Variants in GLT1D1 observed in about 807,000 individuals in gnomAD.
GLT1D1 encodes the protein glycosyltransferase 1 domain-containing protein 1.
Under a neutral mutation model 28.7 loss-of-function variants are expected in GLT1D1, and 21 were observed. The observed-to-expected ratio is 0.73, with a 90% CI of 0.52 to 1.05. The LOEUF (loss-of-function observed/expected upper bound fraction) is 1.05. Ranked by LOEUF, GLT1D1 falls within the 50% of genes least tolerant of loss-of-function variation. The probability of loss-of-function intolerance (pLI) is 0.00; values close to 1 mark genes in which losing one functional copy is unlikely to be tolerated. For synonymous variants in GLT1D1, 147 were observed against 124.8 expected (o/e 1.18, Z -1.19); for missense variants, 343 against 330.6 (o/e 1.04, Z -0.29).
chr12:128,853,494 C>G lies in GLT1D1; in HGVS notation c.-88C>G. The G allele has an allele frequency of 1.0e-6, 1 of 971,236 alleles. No individual in the cohort carries two copies. Among genetic ancestry groups the G allele is most frequent in the Non-Finnish European group, 1.2e-6 (1 of 813,524 alleles). The allele number at this position is 971,236 out of a possible 1,614,324, so 60.2% of individuals were successfully genotyped here. A position where few individuals can be genotyped will look rare whatever the true frequency, so the allele number is the denominator to read the frequency against. ...GCGGGCGGGACAGACCCAGCCGCCCCGGCTCCCCCGCCGTCCGCGTCTGCG... is the reference window on the plus strand; with the variant it reads ...GCGGGCGGGACAGACCCAGCCGCCCGGGCTCCCCCGCCGTCCGCGTCTGCG... On this transcript the variant is annotated 5_prime_UTR_variant, in exon 1 of 8. Transcript: ENST00000281703.
intron 2 of GLT1D1, among the ~76,000 whole-genome samples, chr12:128,881,561 A>AAATATATAT (rs1555262848): frequency 8.9e-5 from 3 of 33,724 alleles, no homozygotes; most frequent in African/African-American, 2.2e-4. Context: ...AAAAAAAAAA[A>AAATATATAT]ATATATATAT....
chr12:128,969,516 A>G (rs1454402763), intron 7 of GLT1D1, among the ~76,000 whole-genome samples: 2 of 152,100 alleles, frequency 1.3e-5, no homozygotes, highest in African/African-American at 4.8e-5. Flanking sequence ...GTGTGCACCG[A>G]GCTGAGTGTG....
intron 6 of GLT1D1, among the ~76,000 whole-genome samples, chr12:128,954,280 C>A (rs1371577657): frequency 7.4e-6 from 1 of 134,334 alleles, no homozygotes. Context: ...CACCACCACA[C>A]CCGGCTAATT....
intron 7 of GLT1D1, among the ~76,000 whole-genome samples, chr12:128,978,658 G>A (rs1051642596): frequency 3.3e-5 from 5 of 152,140 alleles, no homozygotes; most frequent in African/African-American, 7.2e-5. Flanking sequence ...TGGATCTGTC[G>A]CAAGGAAGAA....
At chr12:128,855,670 C>T (rs2135748372) in intron 1 of GLT1D1, among the ~76,000 whole-genome samples, 1 of 150,448 alleles carries the variant, frequency 6.6e-6, no homozygotes, top group Non-Finnish European at 1.5e-5. Context: ...AAAGTGAAAG[C>T]AAGTTTATTA....
chr12:128,856,507 G>A (rs1428829602), intron 1 of GLT1D1, among the ~76,000 whole-genome samples: 1 of 152,186 alleles, frequency 6.6e-6, no homozygotes, highest in Non-Finnish European at 1.5e-5. Flanking sequence ...GGTCTGGGAG[G>A]CTGTCTCCGG....
In GLT1D1 at chr12:128,916,270, T is replaced by C. The variant is rs372051578; in HGVS notation, c.375+16983T>C. Among the ~76,000 whole-genome samples, 31 of 152,388 alleles carry C rather than the reference T, an allele frequency of 2.0e-4. No homozygotes were observed. In the East Asian group the frequency reaches 2.1e-3, roughly 10 times the overall value. ...CACAAATTGTTTATCTCTTCTTCTA[T>C]TGATGAACTTTTAGCTTGTTTTCCA... is the stretch of plus-strand genomic sequence containing the variant. On this transcript the variant is annotated intron_variant, in intron 4 of 7. Coordinates refer to ENST00000281703, the MANE Select transcript of GLT1D1 (RefSeq NM_144669.3).
intron 4 of GLT1D1, among the ~76,000 whole-genome samples, chr12:128,925,974 TGA>T (rs1333951078): frequency 6.6e-6 from 1 of 152,066 alleles, no homozygotes; most frequent in Non-Finnish European, 1.5e-5. Flanking sequence ...GCAGATCACC[TGA>T]GGTCAGAGTT....
intron 4 of GLT1D1, among the ~76,000 whole-genome samples, chr12:128,934,030 G>A (rs1342851181): frequency 6.6e-6 from 1 of 152,024 alleles, no homozygotes; most frequent in Non-Finnish European, 1.5e-5. Context: ...CGACGGGAGT[G>A]CACTCTGCTT....
chr12:128,973,906 G>GGT (rs1274730697), intron 7 of GLT1D1, among the ~76,000 whole-genome samples: 2 of 119,524 alleles, frequency 1.7e-5, no homozygotes, highest in Admixed American at 8.5e-5. Flanking sequence ...GTGTGTAGGG[G>GGT]GTGTGTGTAG....
intron 4 of GLT1D1, chr12:128,944,943 C>T (rs1875827910): frequency 1.9e-6 from 1 of 540,210 alleles, no homozygotes; most frequent in Non-Finnish European, 3.3e-6. Flanking sequence ...GCTATCCCTC[C>T]TCCAGCCCCC....
At chr12:128,939,840 C>CA (rs1555271952) in intron 4 of GLT1D1, among the ~76,000 whole-genome samples, 21 of 142,618 alleles carry the variant, frequency 1.5e-4, no homozygotes, top group African/African-American at 5.2e-4. Context: ...GTTAGAAACC[C>CA]CCCCCCACCG....
intron 6 of GLT1D1, among the ~76,000 whole-genome samples, chr12:128,948,487 C>T (rs7303011): frequency 0.2 from 29,780 of 152,014 alleles, 3,102 homozygotes; most frequent in Admixed American, 0.29. Flanking sequence ...ACACTGCACA[C>T]GACAGACATG....
chr12:128,933,330 C>G (rs773488244), intron 4 of GLT1D1, among the ~76,000 whole-genome samples: 43 of 152,384 alleles, frequency 2.8e-4, no homozygotes, highest in Non-Finnish European at 5.3e-4. Flanking sequence ...CACGGGAAGC[C>G]GCCATAGGCG....
intron 4 of GLT1D1, among the ~76,000 whole-genome samples, chr12:128,934,903 T>C (rs1246028112): frequency 6.6e-6 from 1 of 151,706 alleles, no homozygotes; most frequent in East Asian, 1.9e-4. Context: ...GTCATTCTCT[T>C]CAAGGATGGG....
intron 4 of GLT1D1, among the ~76,000 whole-genome samples, chr12:128,900,304 T>C (rs527957185): frequency 1.3e-5 from 2 of 152,294 alleles, no homozygotes; most frequent in South Asian, 4.1e-4. Flanking sequence ...GTTGGGAGGA[T>C]CAAGGAACAG....
intron 7 of GLT1D1, among the ~76,000 whole-genome samples, chr12:128,978,463 G>A (rs1460286664): frequency 6.6e-6 from 1 of 152,210 alleles, no homozygotes; most frequent in African/African-American, 2.4e-5. Context: ...GGTGGGAATT[G>A]CTGCAGTGGA....
chr12:128,943,486 CAT>C (rs1875610560), intron 4 of GLT1D1, among the ~76,000 whole-genome samples: 1 of 151,998 alleles, frequency 6.6e-6, no homozygotes, highest in African/African-American at 2.4e-5. Context: ...CATCTGAAAA[CAT>C]ATAGATTTTA....
chr12:128,946,392 G>A (rs1787789589), intron 5 of GLT1D1, among the ~76,000 whole-genome samples: 1 of 152,056 alleles, frequency 6.6e-6, no homozygotes, highest in Admixed American at 6.6e-5. Context: ...TGTCGCTCAG[G>A]CTGGAGTGCA....
Sources: gnomAD v4.1 joint callset for allele counts (sites outside exome capture counted in the v4.1 genomes callset) on GRCh38, gnomAD v4.1.1 for gene constraint, MANE v1.5 for transcripts, NCBI Gene and HGNC (gene_info 2026-07-23, HGNC 2026-07-21) for gene names.